MBNL2: variants seen among roughly 807,000 people sequenced by gnomAD.
MBNL2 encodes the protein muscleblind-like protein 2.
Under a neutral mutation model 41.9 loss-of-function variants are expected in MBNL2, and 17 were observed. The observed-to-expected ratio is 0.41, with a 90% CI of 0.28 to 0.61. MBNL2 has a LOEUF of 0.61. Ranked by LOEUF, MBNL2 falls within the 20% of genes least tolerant of loss-of-function variation. The pLI is 0.35. For synonymous variants in MBNL2, 195 were observed against 182.9 expected (o/e 1.07, Z -0.53); for missense variants, 336 against 505.6 (o/e 0.66, Z 3.22).
At chr13:97,359,609 C>T (rs895568048) in intron 7 of MBNL2, among the ~76,000 whole-genome samples, 1 of 152,176 alleles carries the variant, frequency 6.6e-6, no homozygotes, top group Admixed American at 6.5e-5. Flanking sequence ...TCATGAAGGA[C>T]CCATACGGCT....
chr13:97,337,188 G>A (rs574618746), intron 3 of MBNL2, among the ~76,000 whole-genome samples: 33 of 152,210 alleles, frequency 2.2e-4, no homozygotes, highest in African/African-American at 5.1e-4. Flanking sequence ...TGCCATGTGC[G>A]GACACAGCAA....
the MBNL2 span, among the ~76,000 whole-genome samples, chr13:97,165,153 G>A: frequency 2.6e-5 from 4 of 152,042 alleles, no homozygotes; most frequent in African/African-American, 9.7e-5. Context: ...GCAGTGAGCC[G>A]AGATCATGCC....
intron 1 of MBNL2, among the ~76,000 whole-genome samples, chr13:97,224,628 C>CAAAA (rs538498133): frequency 1.1e-3 from 122 of 107,412 alleles, no homozygotes; most frequent in Middle Eastern, 9.9e-3. Context: ...GACCTTTTAC[C>CAAAA]AAAAAAAAAA....
chr13:97,342,934 T>G, intron 3 of MBNL2, 82 bp from the exon 4 acceptor site: 1 of 796,358 alleles, frequency 1.3e-6, no homozygotes. Context: ...ATGAATACAT[T>G]TTGCTCAAAT....
At chr13:97,329,131 T>C (rs2060159120) in intron 2 of MBNL2, among the ~76,000 whole-genome samples, 1 of 152,186 alleles carries the variant, frequency 6.6e-6, no homozygotes, top group Non-Finnish European at 1.5e-5. Context: ...TGTATTAGAA[T>C]CTTTCATGGT....
the MBNL2 span, among the ~76,000 whole-genome samples, chr13:97,144,423 C>CTTTT: frequency 2.1e-4 from 25 of 118,080 alleles, no homozygotes; most frequent in African/African-American, 3.6e-4. Context: ...CATGATACTT[C>CTTTT]TTTTTTTTTT....
chr13:97,191,693 T>C, the MBNL2 span, among the ~76,000 whole-genome samples: 1 of 152,214 alleles, frequency 6.6e-6, no homozygotes, highest in Non-Finnish European at 1.5e-5. Context: ...TTACTGTACC[T>C]ATAGGCAAAT....
At chr13:97,304,889 A>G (rs563587319) in intron 2 of MBNL2, among the ~76,000 whole-genome samples, 1 of 152,356 alleles carries the variant, frequency 6.6e-6, no homozygotes, top group East Asian at 1.9e-4. Context: ...AGAAAGTTGG[A>G]GGGATACCAG....
At chr13:97,151,078 G>A in the MBNL2 span, among the ~76,000 whole-genome samples, 3 of 152,170 alleles carry the variant, frequency 2.0e-5, no homozygotes, top group Non-Finnish European at 2.9e-5. Flanking sequence ...AGGAGCAGGG[G>A]CAACAGAAGC....
intron 2 of MBNL2, among the ~76,000 whole-genome samples, chr13:97,321,326 A>G (rs919730826): frequency 3.3e-5 from 5 of 152,216 alleles, no homozygotes; most frequent in African/African-American, 7.2e-5. Context: ...GCTGGGGTCC[A>G]GGAGGGGAAG....
intron 1 of MBNL2, among the ~76,000 whole-genome samples, chr13:97,256,434 T>C (rs1230805971): frequency 6.6e-6 from 1 of 152,096 alleles, no homozygotes; most frequent in Non-Finnish European, 1.5e-5. Context: ...TGCTGGGAAA[T>C]TGGTTATAGC....
At chr13:97,318,705 G>C (rs2059254774) in intron 2 of MBNL2, among the ~76,000 whole-genome samples, 1 of 152,224 alleles carries the variant, frequency 6.6e-6, no homozygotes, top group Non-Finnish European at 1.5e-5. Flanking sequence ...GACAGATGAA[G>C]AACAGCTGGG....
At chr13:97,221,900 G>T (rs751309738), upstream of MBNL2, among the ~76,000 whole-genome samples, 1 of 152,180 alleles carries the variant, frequency 6.6e-6, no homozygotes, top group African/African-American at 2.4e-5. Flanking sequence ...CATGGCAGAC[G>T]TTGAATTATT....
chr13:97,307,904 C>T lies in MBNL2; in HGVS notation c.175-26372C>T, dbSNP rs147983067. The stretch of plus-strand genomic sequence containing the variant: ...AAAATGTCCACAGTGCTGAGTCAAA[C>T]GCTGTGCACTCAGTTCCCTTAAATA... On this transcript the variant is annotated intron_variant, in intron 2 of 8. Coordinates refer to ENST00000679496, the MANE Select transcript of MBNL2 (RefSeq NM_001382683.1). Among the ~76,000 whole-genome samples, 1,204 of 152,274 alleles carry T rather than the reference C, an allele frequency of 7.9e-3. 5 individuals carry two copies. The highest frequency in any genetic ancestry group is 0.014 in the Non-Finnish European group (976 of 68,012).
At chr13:97,276,439 A>G (rs2052141238) in intron 2 of MBNL2, 30 bp downstream of exon 2, 2 of 1,594,460 alleles carry the variant, frequency 1.3e-6, no homozygotes, top group Non-Finnish European at 1.7e-6. Context: ...GTGTCATTTC[A>G]ATACCACATT....
intron 8 of MBNL2, among the ~76,000 whole-genome samples, chr13:97,383,986 A>ACCT (rs1053074506): frequency 6.7e-6 from 1 of 149,788 alleles, no homozygotes; most frequent in Non-Finnish European, 1.5e-5. Flanking sequence ...TGCAACCTCC[A>ACCT]CCTCCCAGGT....
intron 1 of MBNL2, among the ~76,000 whole-genome samples, chr13:97,235,310 A>C (rs1324053137): frequency 6.6e-6 from 1 of 152,198 alleles, no homozygotes; most frequent in Non-Finnish European, 1.5e-5. Context: ...TTTAACAAAA[A>C]TTGCCAGCTT....
chr13:97,335,784 G>A (rs1162157861), intron 3 of MBNL2, among the ~76,000 whole-genome samples: 1 of 152,114 alleles, frequency 6.6e-6, no homozygotes, highest in Non-Finnish European at 1.5e-5. Flanking sequence ...AGGACTAGAC[G>A]CAGATAGAGT....
chr13:97,199,471 C>T, the MBNL2 span, among the ~76,000 whole-genome samples: 2 of 152,182 alleles, frequency 1.3e-5, no homozygotes, highest in Non-Finnish European at 2.9e-5. Flanking sequence ...AAGATCTATG[C>T]CTGCCACAAA....
Sources: gnomAD v4.1 joint callset for allele counts (sites outside exome capture counted in the v4.1 genomes callset) on GRCh38, gnomAD v4.1.1 for gene constraint, MANE v1.5 for transcripts, NCBI Gene and HGNC (gene_info 2026-07-23, HGNC 2026-07-21) for gene names.